TJP1: variants seen among roughly 807,000 people sequenced by gnomAD.
TJP1 encodes the protein tight junction protein ZO-1.
TJP1 carries 43 observed loss-of-function variants against 194.2 expected under a neutral mutation model. That is an observed-to-expected ratio of 0.22 (90% CI 0.17 to 0.29). The LOEUF is 0.29. Among genes scored for constraint, TJP1 ranks in the 10% least tolerant of loss-of-function variants. TJP1 has a pLI of 1.00. For missense variants in TJP1, 1,971 were observed against 2,185.7 expected (o/e 0.90, Z 1.96); for synonymous variants, 801 against 779.0 (o/e 1.03, Z -0.47).
chr15:29,890,387 A>G (rs1029012114), intron 2 of TJP1, among the ~76,000 whole-genome samples: 8 of 152,234 alleles, frequency 5.3e-5, no homozygotes, highest in African/African-American at 1.9e-4. Context: ...AAACTGGAAA[A>G]GGCTGGAGCC....
intron 2 of TJP1, among the ~76,000 whole-genome samples, chr15:29,786,834 A>G (rs2047729721): frequency 6.6e-6 from 1 of 152,168 alleles, no homozygotes; most frequent in South Asian, 2.1e-4. Flanking sequence ...CGTGACATAT[A>G]AATGGAAAGA....
chr15:29,815,395 G>A (rs570042510), intron 1 of TJP1, among the ~76,000 whole-genome samples: 88 of 152,302 alleles, frequency 5.8e-4, no homozygotes, highest in Admixed American at 1.2e-3. Context: ...AAAATTCAGA[G>A]GTGCAAAGCA....
intron 11 of TJP1, among the ~76,000 whole-genome samples, chr15:29,735,760 T>C (rs1595692730): frequency 2.0e-5 from 3 of 152,260 alleles, no homozygotes; most frequent in Admixed American, 2.0e-4. Flanking sequence ...TTGACAACAA[T>C]GTAAACATCA....
chr15:29,833,853 GTAAGTATATATATATATA>G (rs1315030207), intron 2 of TJP1, among the ~76,000 whole-genome samples: 1 of 40,872 alleles, frequency 2.4e-5, no homozygotes, highest in Non-Finnish European at 4.8e-5. Flanking sequence ...TATAATTTTT[GTAAGTATATATATATATA>G]TATATATATA....
intron 15 of TJP1, chr15:29,729,451 A>T (rs2043455311): frequency 6.6e-6 from 1 of 152,214 alleles, no homozygotes; most frequent in African/African-American, 2.4e-5. Flanking sequence ...ATTGGCAATG[A>T]AATGAAAAGC....
intron 8 of TJP1, among the ~76,000 whole-genome samples, chr15:29,748,243 T>C (rs1354510815): frequency 6.6e-6 from 1 of 152,226 alleles, no homozygotes; most frequent in Non-Finnish European, 1.5e-5. Context: ...TTTTACATTT[T>C]TTGCATACTG....
chr15:29,923,436 C>G (rs900815052), intron 2 of TJP1, among the ~76,000 whole-genome samples: 3 of 152,208 alleles, frequency 2.0e-5, no homozygotes, highest in African/African-American at 4.8e-5. Flanking sequence ...CGCAGACTCA[C>G]AGGCCCTTCT....
At chr15:29,813,728 G>C (rs929723995) in intron 1 of TJP1, among the ~76,000 whole-genome samples, 4 of 152,170 alleles carry the variant, frequency 2.6e-5, no homozygotes, top group African/African-American at 9.6e-5. Context: ...GAAAAGGCAT[G>C]TTAGGGATTC....
intron 4 of TJP1, 27 bp downstream of exon 4, chr15:29,772,037 A>C (rs368580346): frequency 7.0e-7 from 1 of 1,436,634 alleles, no homozygotes; most frequent in Non-Finnish European, 9.6e-7. Context: ...GGGTACCTTT[A>C]CTAAATTACA....
At chr15:29,764,471 T>C (rs1048514585) in intron 5 of TJP1, among the ~76,000 whole-genome samples, 4 of 152,134 alleles carry the variant, frequency 2.6e-5, no homozygotes, top group Admixed American at 6.5e-5. Context: ...AGAGGATCTA[T>C]GAAGAAATCT....
intron 2 of TJP1, among the ~76,000 whole-genome samples, chr15:29,892,553 T>G (rs1398478672): frequency 3.9e-5 from 6 of 152,214 alleles, no homozygotes; most frequent in Non-Finnish European, 7.3e-5. Context: ...CAGGCTGTCT[T>G]GTTAGGTGCT....
chr15:29,886,127 A>T (rs2053107109), intron 2 of TJP1, among the ~76,000 whole-genome samples: 1 of 152,244 alleles, frequency 6.6e-6, no homozygotes, highest in Non-Finnish European at 1.5e-5. Flanking sequence ...GCCAATTTAA[A>T]AATACTGTGT....
chr15:29,897,078 C>G (rs1179482988), intron 2 of TJP1, among the ~76,000 whole-genome samples: 3 of 152,206 alleles, frequency 2.0e-5, no homozygotes, highest in African/African-American at 7.2e-5. Context: ...GGGAAAATGT[C>G]TCCAGGGCAT....
chr15:29,895,356 A>G (rs1025495088), intron 2 of TJP1, among the ~76,000 whole-genome samples: 3 of 152,262 alleles, frequency 2.0e-5, no homozygotes, highest in African/African-American at 4.8e-5. Flanking sequence ...CACTTTGCTT[A>G]GAAATTTCTT....
chr15:29,940,433 T>C (rs1166194596), intron 2 of TJP1, among the ~76,000 whole-genome samples: 4 of 152,076 alleles, frequency 2.6e-5, no homozygotes, highest in Non-Finnish European at 5.9e-5. Context: ...TATTCTGAAA[T>C]GTCCATTTTT....
chr15:29,706,242 T>C (rs1446606863), intron 25 of TJP1, among the ~76,000 whole-genome samples: 4 of 152,344 alleles, frequency 2.6e-5, no homozygotes, highest in East Asian at 1.9e-4. Flanking sequence ...GAGAATATTA[T>C]TTCTAGAGAA....
At chr15:29,953,352 G>A (rs2152310898) in intron 2 of TJP1, among the ~76,000 whole-genome samples, 1 of 152,066 alleles carries the variant, frequency 6.6e-6, no homozygotes, top group South Asian at 2.1e-4. Flanking sequence ...ATGTTGGCCA[G>A]GCTGGTCTCA....
intron 1 of TJP1, among the ~76,000 whole-genome samples, chr15:29,816,813 G>A (rs779476344): frequency 2.6e-5 from 4 of 152,122 alleles, no homozygotes; most frequent in Non-Finnish European, 4.4e-5. Context: ...ATTAACTCAA[G>A]ATGGATTAAA....
At chr15:29,777,852 C>G (rs2047114484) in intron 2 of TJP1, among the ~76,000 whole-genome samples, 1 of 152,270 alleles carries the variant, frequency 6.6e-6, no homozygotes, top group South Asian at 2.1e-4. Flanking sequence ...GGGAAAACAC[C>G]TAAACACCCC....
Sources: allele counts gnomAD v4.1 joint callset (sites outside exome capture counted in the v4.1 genomes callset), GRCh38; gene constraint gnomAD v4.1.1; transcripts MANE v1.5; gene names NCBI Gene and HGNC (gene_info 2026-07-23, HGNC 2026-07-21).